Variants in LRCH1 observed in about 807,000 individuals in gnomAD.
LRCH1 encodes leucine rich repeats and calponin homology domain containing 1.
Under a neutral mutation model 94.9 loss-of-function variants are expected in LRCH1, and 23 were observed. The observed-to-expected ratio is 0.24, with a 90% CI of 0.17 to 0.34. The LOEUF (loss-of-function observed/expected upper bound fraction) is 0.34, where lower values mean the gene tolerates loss of function less well. Among genes scored for constraint, LRCH1 ranks in the 10% least tolerant of loss-of-function variants. LRCH1 has a pLI of 1.00. For synonymous variants in LRCH1, 364 were observed against 354.9 expected, an observed-to-expected ratio of 1.03 and a Z score of -0.29; for missense variants, 790 against 945.9, an observed-to-expected ratio of 0.84 and a Z score of 2.16.
At chr13:46,737,108 T>A (rs1333083034) in intron 19 of LRCH1, among the ~76,000 whole-genome samples, 1 of 152,216 alleles carries the variant, frequency 6.6e-6, no homozygotes, top group Non-Finnish European at 1.5e-5. Flanking sequence ...TCATGGTTCA[T>A]GACACACTTC....
intron 18 of LRCH1, among the ~76,000 whole-genome samples, chr13:46,730,027 A>G (rs1873021261): frequency 6.6e-6 from 1 of 152,224 alleles, no homozygotes; most frequent in Non-Finnish European, 1.5e-5. Flanking sequence ...AGAGAGCCAA[A>G]GAGTCAGTTT....
chr13:46,604,091 G>A (rs1444741787), intron 1 of LRCH1, among the ~76,000 whole-genome samples: 2 of 152,216 alleles, frequency 1.3e-5, no homozygotes, highest in African/African-American at 2.4e-5. Context: ...GTTGCCAGAT[G>A]TAGCAAATAA....
chr13:46,586,435 A>G (rs566125490), intron 1 of LRCH1, among the ~76,000 whole-genome samples: 128 of 152,170 alleles, frequency 8.4e-4, no homozygotes, highest in Middle Eastern at 3.4e-3. Context: ...TTGTTTTTTG[A>G]GACAGGGTCT....
chr13:46,598,150 G>A (rs1224264082), intron 1 of LRCH1, among the ~76,000 whole-genome samples: 4 of 152,082 alleles, frequency 2.6e-5, no homozygotes, highest in South Asian at 4.2e-4. Flanking sequence ...TCAAGGTGGC[G>A]GGCACCCAAT....
chr13:46,725,542 C>G (rs118158924), intron 17 of LRCH1, among the ~76,000 whole-genome samples: 1 of 151,968 alleles, frequency 6.6e-6, no homozygotes, highest in Non-Finnish European at 1.5e-5. Context: ...GTAAATAAGA[C>G]GGAAACAAAT....
At chr13:46,668,986 TGGCC>T in intron 2 of LRCH1, 40 bp from the exon 3 acceptor site, 1 of 1,609,782 alleles carries the variant, frequency 6.2e-7, no homozygotes, top group Non-Finnish European at 8.5e-7. Flanking sequence ...CAGTATGAAG[TGGCC>T]TTTCTGTTTA....
intron 1 of LRCH1, among the ~76,000 whole-genome samples, chr13:46,563,394 G>C (rs1268037557): frequency 6.6e-6 from 1 of 151,902 alleles, no homozygotes; most frequent in African/African-American, 2.4e-5. Flanking sequence ...AGGGTTTCCT[G>C]AGCTTCAAAG....
intron 2 of LRCH1, among the ~76,000 whole-genome samples, chr13:46,655,825 T>C (rs1445582417): frequency 1.3e-5 from 2 of 152,200 alleles, no homozygotes; most frequent in South Asian, 2.1e-4. Context: ...AAGTTCTGTA[T>C]AGTATTTGAT....
chr13:46,621,842 T>C (rs1040535378), intron 1 of LRCH1, among the ~76,000 whole-genome samples: 1 of 152,176 alleles, frequency 6.6e-6, no homozygotes, highest in African/African-American at 2.4e-5. Flanking sequence ...AAAGAAGTCA[T>C]CAAGTGGGAG....
At chr13:46,554,377 G>C (rs1466360120) in intron 1 of LRCH1, among the ~76,000 whole-genome samples, 1 of 152,212 alleles carries the variant, frequency 6.6e-6, no homozygotes, top group Non-Finnish European at 1.5e-5. Flanking sequence ...CTGCCGCTTC[G>C]GAAGCGATCG....
At chr13:46,677,996 A>G (rs547777268) in intron 3 of LRCH1, among the ~76,000 whole-genome samples, 1 of 152,318 alleles carries the variant, frequency 6.6e-6, no homozygotes, top group Middle Eastern at 3.4e-3. Flanking sequence ...GCTAATAGAA[A>G]ATTCAGAAGG....
At position 46,553,629 on chromosome 13, in the gene LRCH1, T is replaced by G; in HGVS notation, c.233T>G (p.Leu78Arg). The change falls in exon 1 of 20, where the codon CTG becomes CGG. Residue 78 changes from leucine to arginine, a missense_variant. Coordinates refer to ENST00000389797, the MANE Select transcript of LRCH1 (RefSeq NM_001164211.2). ...EEAANSGGLN[L>R]SARKLKEFPR... ...GCGGCCAACTCCGGGGGGCTGAACC[T>G]GAGCGCCAGGAAATTGAAGGAATTT... 1.3e-6 allele frequency: 2 copies of G among 1,594,874 alleles called. No homozygotes were observed. The highest frequency in any genetic ancestry group is 1.7e-6 in the Non-Finnish European group (2 of 1,171,598).
In LRCH1 at chr13:46,567,993, G is replaced by A. The variant is rs187502068; in HGVS notation, c.307+14290G>A. ...TTTCTCAAGTGGTTCCATAGTTTCT[G>A]TGTGTGTGCTTTCTTGTGTTTCTGT... On this transcript the variant is annotated intron_variant, in intron 1 of 19. Transcript: ENST00000389797. Among the ~76,000 whole-genome samples the A allele has an allele frequency of 3.1e-3, 466 of 152,280 alleles. 2 individuals carry two copies. The highest frequency in any genetic ancestry group is 5.2e-3 in the Non-Finnish European group (355 of 68,020).
At chr13:46,709,392 A>C (rs901326089) in intron 13 of LRCH1, among the ~76,000 whole-genome samples, 1 of 152,216 alleles carries the variant, frequency 6.6e-6, no homozygotes, top group Non-Finnish European at 1.5e-5. Context: ...GCAGCTCTGC[A>C]CAGGTCCTGT....
chr13:46,591,943 T>C (rs2137963610), intron 1 of LRCH1, among the ~76,000 whole-genome samples: 1 of 152,370 alleles, frequency 6.6e-6, no homozygotes, highest in South Asian at 2.1e-4. Context: ...TGGACTTGGG[T>C]GAAAAATGTT....
intron 1 of LRCH1, among the ~76,000 whole-genome samples, chr13:46,581,551 C>T (rs558497826): frequency 2.8e-4 from 43 of 152,176 alleles, no homozygotes; most frequent in Non-Finnish European, 4.7e-4. Context: ...CTAAGACTCA[C>T]GAGAACTCTA....
chr13:46,686,009 G>A lies in LRCH1; in HGVS notation c.790G>A (p.Glu264Lys). Residue 264 changes from glutamate (E) to lysine (K), a missense_variant, in exon 5 of 20, where the codon GAG becomes AAG. Coordinates refer to ENST00000389797, the MANE Select transcript of LRCH1 (RefSeq NM_001164211.2). ...GAAGCAGCTGCAAGTGTTACTACTT[G>A]AGAATAACCCTCTGCAGTCTCCTCC... is the stretch of plus-strand genomic sequence containing the variant. ...EMKQLQVLLL[E>K]NNPLQSPPAQ... The A allele has an allele frequency of 6.2e-7, 1 of 1,608,996 alleles. No homozygotes were observed.
chr13:46,581,142 C>A (rs2050360304), intron 1 of LRCH1, among the ~76,000 whole-genome samples: 1 of 152,164 alleles, frequency 6.6e-6, no homozygotes, highest in South Asian at 2.1e-4. Context: ...GTGTCAGCTG[C>A]ATCATGTCAT....
chr13:46,589,246 C>T (rs573777899), intron 1 of LRCH1, among the ~76,000 whole-genome samples: 30 of 152,242 alleles, frequency 2.0e-4, no homozygotes, highest in African/African-American at 7.2e-4. Flanking sequence ...CCATGTTGCC[C>T]AGGCTGGTCT....
Sources: allele counts gnomAD v4.1 joint callset (sites outside exome capture counted in the v4.1 genomes callset), GRCh38; gene constraint gnomAD v4.1.1; transcripts MANE v1.5; gene names NCBI Gene and HGNC (gene_info 2026-07-23, HGNC 2026-07-21).